Variants in C1QTNF2 observed in about 807,000 individuals in gnomAD.
C1QTNF2 encodes the protein C1q and TNF related 2.
A neutral mutation model predicts 17.4 loss-of-function variants in C1QTNF2; 15 were observed. The ratio of observed to expected loss-of-function variants is 0.86; its 90% CI spans 0.58 to 1.33. C1QTNF2 has a LOEUF of 1.33. C1QTNF2 is among the 40% of genes most tolerant of loss of function. The pLI is 0.00. For missense variants in C1QTNF2, 381 were observed against 392.3 expected (o/e 0.97, Z 0.24); for synonymous variants, 154 against 163.3 (o/e 0.94, Z 0.44).
Position 160,370,577 on chromosome 5 carries a change from C to G in C1QTNF2, c.-75G>C, listed in dbSNP as rs1198083755. The G allele has an allele frequency of 2.1e-6, 3 of 1,451,352 alleles. No individual in the cohort carries two copies. The highest frequency in any genetic ancestry group is 5.5e-5 in the East Asian group (2 of 36,104). The allele number at this position is 1,451,352 out of a possible 1,614,324, so 89.9% of individuals were successfully genotyped here. A position where few individuals can be genotyped will look rare whatever the true frequency, so the allele number is the denominator to read the frequency against. On this transcript the variant is annotated 5_prime_UTR_variant, in exon 1 of 3. Coordinates refer to ENST00000652664, the MANE Select transcript of C1QTNF2 (RefSeq NM_031908.6). ...AGAAGCTCTCGGCGGGGCTCCGCGT[C>G]CCGGCTTTCCTCAGCGGCAGCAGCC...
chr5:160,362,031 G>T (rs1425720419), intron 1 of C1QTNF2, among the ~76,000 whole-genome samples: 1 of 152,236 alleles, frequency 6.6e-6, no homozygotes, highest in Non-Finnish European at 1.5e-5. Context: ...ACTGCATAGA[G>T]TAAGTGCTCA....
rs1339308840 is a variant in C1QTNF2, at chr5:160,354,780, T to C, written c.232A>G (p.Ser78Gly). ...ATAGGCCTCTTACCTTCCTCTCCGC[T>C]GTCCCCCCGGTCGCCGTCGTGTCCA... ...QDGHDGDRGDSGEEGPPGRTG... is the reference protein window; with the variant it reads ...QDGHDGDRGDGGEEGPPGRTG... The change falls in exon 2 of 3, where the codon AGC (serine) becomes GGC (glycine). Residue 78 changes from serine (S) to glycine (G), a missense_variant. Physicochemically the swap from Ser to Gly is moderately conservative, Grantham distance 56. Coordinates refer to ENST00000652664, the MANE Select transcript of C1QTNF2 (RefSeq NM_031908.6). The C allele has an allele frequency of 1.9e-6, 3 of 1,613,628 alleles. No homozygotes were observed. The East Asian group carries it at 6.7e-5, about 36-fold the overall frequency.
rs756818049 is a variant in C1QTNF2, at chr5:160,354,876, C to G, written c.136G>C (p.Gly46Arg). The G allele has an allele frequency of 4.4e-6, 7 of 1,607,276 alleles. No homozygotes were observed. In the South Asian group the frequency reaches 5.6e-5, roughly 13 times the overall value. ...CSLPGPQGPP[G>R]PPGAPGPSGM... The stretch of plus-strand genomic sequence containing the variant: ...GAGGGCCCTGGGGCTCCTGGGGGGC[C>G]GGGTGGGCCCTGGGGGCCAGGCAGG... The change falls in exon 2 of 3, where the codon GGC becomes CGC. Residue 46 changes from glycine (G) to arginine (R), a missense_variant. Gly to Arg is a moderately radical substitution (Grantham distance 125). Coordinates refer to ENST00000652664, the MANE Select transcript of C1QTNF2 (RefSeq NM_031908.6).
chr5:160,350,147 C>T (rs368878822), intron 2 of C1QTNF2, among the ~76,000 whole-genome samples: 34 of 152,172 alleles, frequency 2.2e-4, no homozygotes, highest in African/African-American at 6.5e-4. Context: ...GATTTCAACA[C>T]GTTGATCTTA....
intron 1 of C1QTNF2, among the ~76,000 whole-genome samples, chr5:160,358,735 C>A (rs1764096695): frequency 6.6e-6 from 1 of 152,146 alleles, no homozygotes; most frequent in Non-Finnish European, 1.5e-5. Context: ...AAGGCAGAAG[C>A]AAACTGACCT....
chr5:160,357,409 A>AGTAGAGATG (rs1467800218), intron 1 of C1QTNF2, among the ~76,000 whole-genome samples: 2 of 152,170 alleles, frequency 1.3e-5, no homozygotes, highest in African/African-American at 4.8e-5. Context: ...GATAAATAAT[A>AGTAGAGATG]GTAGAGATGG....
chr5:160,370,515 C>T lies in C1QTNF2; in HGVS notation c.-13G>A. 1 of 1,479,912 alleles carries T rather than the reference C, an allele frequency of 6.8e-7. No individual in the cohort carries two copies. The highest frequency in any genetic ancestry group is 8.9e-7 in the Non-Finnish European group (1 of 1,125,180). The allele number at this position is 1,479,912 out of a possible 1,614,324, so 91.7% of individuals were successfully genotyped here. ...GACCGCGGTGCGGGACACTCACCCT[C>T]GCGGCTGCCCGCCACGTCCAGGGGC... On this transcript the variant is annotated 5_prime_UTR_variant, in exon 1 of 3. Transcript: ENST00000652664.
At chr5:160,361,480 G>T (rs1379831154) in intron 1 of C1QTNF2, among the ~76,000 whole-genome samples, 1 of 152,180 alleles carries the variant, frequency 6.6e-6, no homozygotes, top group Non-Finnish European at 1.5e-5. Flanking sequence ...AATAAATCTG[G>T]CCTGTTGGTT....
At chr5:160,355,378 C>A in intron 1 of C1QTNF2, 2 of 366,714 alleles carry the variant, frequency 5.5e-6, no homozygotes, top group Non-Finnish European at 7.6e-6. Flanking sequence ...TGGTTTCATC[C>A]AAATCTGTGG....
At chr5:160,356,519 C>G (rs1036599549) in intron 1 of C1QTNF2, among the ~76,000 whole-genome samples, 1 of 152,170 alleles carries the variant, frequency 6.6e-6, no homozygotes, top group Non-Finnish European at 1.5e-5. Flanking sequence ...GTCCAGAGAC[C>G]TTGTTTTGGG....
chr5:160,350,969 C>G (rs1355849052), intron 2 of C1QTNF2, among the ~76,000 whole-genome samples: 3 of 152,150 alleles, frequency 2.0e-5, no homozygotes, highest in African/African-American at 7.2e-5. Context: ...CCAGGATGGT[C>G]TTAAACTCCT....
rs200777932 is a variant in C1QTNF2 at position 160,353,788 on chromosome 5, CTTTTTTTTTTTTTTTTT to C, written c.244+963_244+979del. Among the ~76,000 whole-genome samples the C allele has an allele frequency of 8.1e-3, 695 of 85,998 alleles. 7 individuals are homozygous for C. Among genetic ancestry groups the C allele is most frequent in the African/African-American group, 0.031 (654 of 20,940 alleles). The allele number at this position is 85,998 out of a possible 152,430, so 56.4% of individuals were successfully genotyped here. A position where few individuals can be genotyped will look rare whatever the true frequency, so the allele number is the denominator to read the frequency against. ...GAGCTTGGCTCTTGGACTTCTCAGG[CTTTTTTTTTTTTTTTTT>C]TTTTTTTTTTTTTTTTGAGACACTG... On this transcript the variant is annotated intron_variant, in intron 2 of 2. Transcript: ENST00000652664.
At chr5:160,358,916 G>T (rs971218199) in intron 1 of C1QTNF2, among the ~76,000 whole-genome samples, 4 of 152,008 alleles carry the variant, frequency 2.6e-5, no homozygotes, top group African/African-American at 9.7e-5. Context: ...GAGAAGCTGG[G>T]ACTATAGGAG....
intron 1 of C1QTNF2, 99 bp downstream of exon 1, chr5:160,370,413 C>G: frequency 7.4e-7 from 1 of 1,346,064 alleles, no homozygotes. Context: ...GCTCTCCCAC[C>G]TTCCGCATCC....
At chr5:160,361,826 T>C (rs889471545) in intron 1 of C1QTNF2, among the ~76,000 whole-genome samples, 10 of 152,144 alleles carry the variant, frequency 6.6e-5, no homozygotes, top group Non-Finnish European at 1.2e-4. Flanking sequence ...GATCACGTGA[T>C]CCAAAGCATT....
At chr5:160,361,106 C>A (rs771258748) in intron 1 of C1QTNF2, among the ~76,000 whole-genome samples, 6 of 152,146 alleles carry the variant, frequency 3.9e-5, no homozygotes, top group Non-Finnish European at 8.8e-5. Flanking sequence ...TGGATGAGTT[C>A]TTAAGTCTGG....
Position 160,349,622 on chromosome 5 carries a change from G to C in C1QTNF2, c.404C>G (p.Pro135Arg), listed in dbSNP as rs538894833. Residue 135 changes from proline (P) to arginine (R), a missense_variant, in exon 3 of 3, where the codon CCA (proline) becomes CGA (arginine). Pro to Arg is a moderately radical substitution (Grantham distance 103, BLOSUM62 -2). Transcript: ENST00000652664. The surrounding 1 kb of genome is among the most constrained non-coding windows in gnomAD (Gnocchi z 4.3). ...KKGPKGKKGE[P>R]GLPGPCSCGS... ...ACAGCTGCAGGGGCCTGGGAGGCCT[G>C]GCTCCCCCTTCTTGCCCTTGGGCCC... The C allele has an allele frequency of 6.2e-7, 1 of 1,613,446 alleles. No homozygotes were observed. Among genetic ancestry groups the C allele is most frequent in the East Asian group, 2.2e-5 (1 of 44,806 alleles).
chr5:160,358,426 A>T (rs1764092061), intron 1 of C1QTNF2, among the ~76,000 whole-genome samples: 1 of 152,036 alleles, frequency 6.6e-6, no homozygotes, highest in South Asian at 2.1e-4. Context: ...TAAAGCCCCA[A>T]GGAATCCAGG....
intron 1 of C1QTNF2, among the ~76,000 whole-genome samples, chr5:160,359,951 C>T (rs567613397): frequency 9.1e-4 from 139 of 151,952 alleles, no homozygotes; most frequent in African/African-American, 3.2e-3. Context: ...CCAGCACCCA[C>T]CCCCCCTACC....
Sources: allele counts gnomAD v4.1 joint callset (sites outside exome capture counted in the v4.1 genomes callset), GRCh38; gene constraint gnomAD v4.1.1; non-coding constraint Gnocchi (gnomAD v3.1); transcripts MANE v1.5; gene names NCBI Gene and HGNC (gene_info 2026-07-23, HGNC 2026-07-21).